Variants in ADAMTS12 observed in about 807,000 individuals in gnomAD.
The protein encoded by ADAMTS12 is A disintegrin and metalloproteinase with thrombospondin motifs 12.
A neutral mutation model predicts 167.8 loss-of-function variants in ADAMTS12; 118 were observed. The observed-to-expected ratio is 0.70, with a 90% CI of 0.61 to 0.82. ADAMTS12 has a LOEUF of 0.82. Among genes scored for constraint, ADAMTS12 ranks in the 40% least tolerant of loss-of-function variants. ADAMTS12 has a pLI of 0.00. For synonymous variants in ADAMTS12, 704 were observed against 716.9 expected (o/e 0.98, Z 0.29); for missense variants, 1,916 against 1,998.8 (o/e 0.96, Z 0.79).
In ADAMTS12 at chr5:33,648,982, C is replaced by A; in HGVS notation, c.1335-16G>T. On this transcript the variant is annotated splice_polypyrimidine_tract_variant and intron_variant, in intron 8 of 23. Transcript: ENST00000504830. ...CCAGCCTCGGCTGAAAACAAGTTAA[C>A]AGAAATGAGAGGAGTTGTTTAGGAT... 2 of 1,612,804 alleles carry A rather than the reference C, an allele frequency of 1.2e-6. No homozygotes were observed. Among genetic ancestry groups the A allele is most frequent in the South Asian group, 2.2e-5 (2 of 90,898 alleles).
intron 5 of ADAMTS12, among the ~76,000 whole-genome samples, chr5:33,669,648 G>A (rs759098088): frequency 1.3e-5 from 2 of 151,928 alleles, no homozygotes; most frequent in Non-Finnish European, 2.9e-5. Context: ...GCCAGAAGGT[G>A]TAGTATTAAA....
At chr5:33,575,995 A>T (rs1746685827) in intron 19 of ADAMTS12, 59 bp downstream of exon 19, 2 of 1,535,872 alleles carry the variant, frequency 1.3e-6, no homozygotes, top group Non-Finnish European at 1.7e-6. Flanking sequence ...TTTCACATGA[A>T]TTTAACACTC....
intron 22 of ADAMTS12, among the ~76,000 whole-genome samples, chr5:33,544,199 G>T (rs937367650): frequency 3.9e-5 from 6 of 152,132 alleles, no homozygotes; most frequent in Non-Finnish European, 8.8e-5. Flanking sequence ...AAAATCACAA[G>T]CATTCTTATA....
At chr5:33,630,986 T>C in intron 12 of ADAMTS12, 73 bp from the exon 13 acceptor site, 3 of 1,563,434 alleles carry the variant, frequency 1.9e-6, no homozygotes, top group Non-Finnish European at 2.6e-6. Flanking sequence ...GATTCCTCCG[T>C]ACTTAGGACC....
At chr5:33,791,940 T>A (rs1188145489) in intron 2 of ADAMTS12, among the ~76,000 whole-genome samples, 1 of 151,970 alleles carries the variant, frequency 6.6e-6, no homozygotes, top group Non-Finnish European at 1.5e-5. Flanking sequence ...CTGGTGGTAA[T>A]TATCTGTGAC....
chr5:33,632,589 G>A (rs906462858), intron 12 of ADAMTS12, among the ~76,000 whole-genome samples: 1 of 152,120 alleles, frequency 6.6e-6, no homozygotes, highest in African/African-American at 2.4e-5. Flanking sequence ...GCGTGACTTG[G>A]GATTATTGTG....
intron 3 of ADAMTS12, among the ~76,000 whole-genome samples, chr5:33,707,326 T>A (rs1304225008): frequency 4.6e-5 from 7 of 152,158 alleles, no homozygotes; most frequent in Admixed American, 2.0e-4. Flanking sequence ...TGAAAACACA[T>A]TCCATGCTCA....
intron 2 of ADAMTS12, among the ~76,000 whole-genome samples, chr5:33,782,063 C>G (rs1746150326): frequency 6.6e-6 from 1 of 151,796 alleles, no homozygotes; most frequent in Non-Finnish European, 1.5e-5. Context: ...GAGTACACAG[C>G]AATAAATAAA....
intron 3 of ADAMTS12, among the ~76,000 whole-genome samples, chr5:33,687,470 A>G (rs1742375170): frequency 6.6e-6 from 1 of 152,240 alleles, no homozygotes; most frequent in Non-Finnish European, 1.5e-5. Flanking sequence ...ACATTTATAC[A>G]ATAGGTTTTC....
intron 18 of ADAMTS12, among the ~76,000 whole-genome samples, chr5:33,579,554 T>A (rs376395548): frequency 6.6e-6 from 1 of 150,734 alleles, no homozygotes; most frequent in Non-Finnish European, 1.5e-5. Context: ...TACAAAAAAA[T>A]TTTAAATGCC....
At chr5:33,686,920 T>C (rs1742350301) in intron 3 of ADAMTS12, among the ~76,000 whole-genome samples, 1 of 39,594 alleles carries the variant, frequency 2.5e-5, no homozygotes, top group Non-Finnish European at 6.8e-5. Context: ...ATATAGGCAC[T>C]GAATATATAT....
At chr5:33,596,129 A>C in intron 16 of ADAMTS12, 69 bp from the exon 17 acceptor site, 1 of 1,571,870 alleles carries the variant, frequency 6.4e-7, no homozygotes. Flanking sequence ...CAGGTGAGGT[A>C]CCTGACCACG....
chr5:33,630,695 A>G, intron 13 of ADAMTS12, 85 bp downstream of exon 13: 1 of 1,453,470 alleles, frequency 6.9e-7, no homozygotes, highest in South Asian at 1.3e-5. Context: ...ATGCTGTGAA[A>G]GCACAAACCT....
At chr5:33,825,452 G>A (rs1748030462) in intron 2 of ADAMTS12, among the ~76,000 whole-genome samples, 1 of 152,172 alleles carries the variant, frequency 6.6e-6, no homozygotes, top group Non-Finnish European at 1.5e-5. Context: ...GCCAAAGCTG[G>A]ATGAGTGTAA....
rs533725361 is a variant in ADAMTS12 at position 33,756,739 on chromosome 5, T to A, written c.490-5191A>T. On this transcript the variant is annotated intron_variant, in intron 2 of 23. Coordinates refer to ENST00000504830, the MANE Select transcript of ADAMTS12 (RefSeq NM_030955.4). ...TAGTAACTCATGTGGTTTCAGGAAA[T>A]ATGGACTGAAGCCAGGAAGACATTG... Among the ~76,000 whole-genome samples the A allele has an allele frequency of 4.6e-5, 7 of 152,250 alleles. No individual in the cohort carries two copies. In the South Asian group the frequency reaches 1.2e-3, roughly 27 times the overall value.
intron 16 of ADAMTS12, among the ~76,000 whole-genome samples, chr5:33,600,357 G>A (rs757241614): frequency 1.6e-4 from 24 of 152,010 alleles, no homozygotes; most frequent in Non-Finnish European, 3.2e-4. Flanking sequence ...ATTATGCCTC[G>A]ATATAAGGAA....
At chr5:33,790,638 C>T (rs1746497786) in intron 2 of ADAMTS12, among the ~76,000 whole-genome samples, 1 of 150,754 alleles carries the variant, frequency 6.6e-6, no homozygotes, top group Admixed American at 6.6e-5. Flanking sequence ...CCTTTTTCTC[C>T]TGTAAATTGG....
intron 22 of ADAMTS12, among the ~76,000 whole-genome samples, chr5:33,541,595 T>C (rs1003235425): frequency 6.6e-6 from 1 of 152,162 alleles, no homozygotes; most frequent in Admixed American, 6.5e-5. Context: ...AAAGGTCGGG[T>C]TACCCACAAA....
At chr5:33,633,585 G>A (rs1463877277) in intron 12 of ADAMTS12, among the ~76,000 whole-genome samples, 1 of 152,036 alleles carries the variant, frequency 6.6e-6, no homozygotes, top group African/African-American at 2.4e-5. Flanking sequence ...TGCTATTCAA[G>A]GCTTTTATAA....
Sources: allele counts gnomAD v4.1 joint callset (sites outside exome capture counted in the v4.1 genomes callset), GRCh38; gene constraint gnomAD v4.1.1; transcripts MANE v1.5; gene names NCBI Gene and HGNC (gene_info 2026-07-23, HGNC 2026-07-21).